The following GULP1 variants were observed in gnomAD, a reference collection of about 807,000 sequenced individuals.
GULP1 encodes GULP PTB domain containing engulfment adaptor 1, also known as PTB domain-containing engulfment adapter protein 1.
GULP1 carries 19 observed loss-of-function variants against 40.9 expected under a neutral mutation model. The observed-to-expected ratio is 0.46, with a 90% CI of 0.32 to 0.68. The LOEUF (loss-of-function observed/expected upper bound fraction) is 0.68. GULP1 is among the 30% of genes least tolerant of loss of function. The pLI is 0.03. For synonymous variants in GULP1, 119 were observed against 117.6 expected (o/e 1.01, Z -0.08); for missense variants, 312 against 362.2 (o/e 0.86, Z 1.12).
Position 188,366,869 on chromosome 2 carries a change from A to G in GULP1, c.-171-16894A>G, listed in dbSNP as rs534385954. ...CGGCCTCCCGAAGTGCTGGGATTACAGGCGTGAGCCACCTTGCCTGGCCCC... is the reference window on the plus strand; with the variant it reads ...CGGCCTCCCGAAGTGCTGGGATTACGGGCGTGAGCCACCTTGCCTGGCCCC... On this transcript the variant is annotated intron_variant, in intron 1 of 11. Coordinates refer to ENST00000409830, the MANE Select transcript of GULP1 (RefSeq NM_016315.4). Among the ~76,000 whole-genome samples, 19 of 152,302 alleles carry G rather than the reference A, an allele frequency of 1.2e-4. No homozygotes were observed. In the South Asian group the frequency reaches 3.7e-3, roughly 30 times the overall value.
chr2:188,562,725 C>G (rs1696625680), intron 7 of GULP1, among the ~76,000 whole-genome samples: 1 of 152,134 alleles, frequency 6.6e-6, no homozygotes, highest in African/African-American at 2.4e-5. Flanking sequence ...TCCCAAGCAA[C>G]AGAGTATACT....
intron 3 of GULP1, among the ~76,000 whole-genome samples, chr2:188,481,435 T>G (rs1241223328): frequency 1.3e-5 from 2 of 152,008 alleles, no homozygotes; most frequent in Non-Finnish European, 2.9e-5. Flanking sequence ...CCTGAGGATA[T>G]GTAATAAACA....
chr2:188,458,630 G>A lies in GULP1; in HGVS notation c.-44-19029G>A, dbSNP rs1434752338. Among the ~76,000 whole-genome samples, 3 of 152,030 alleles carry A rather than the reference G, an allele frequency of 2.0e-5. No homozygotes were observed. In the East Asian group the frequency reaches 5.8e-4, roughly 29 times the overall value. On this transcript the variant is annotated intron_variant, in intron 2 of 11. Coordinates refer to ENST00000409830, the MANE Select transcript of GULP1 (RefSeq NM_016315.4). ...ATGCAATGCATAATAATTACATTAT[G>A]GAAAATAGGCTATCCATCCCTTCAA...
At chr2:188,582,216 G>T in intron 9 of GULP1, 1 of 358,832 alleles carries the variant, frequency 2.8e-6, no homozygotes, top group Non-Finnish European at 5.6e-6. Flanking sequence ...TTTTAGAAAA[G>T]TTACTGTGAA....
At chr2:188,312,994 A>G (rs903990074) in intron 1 of GULP1, among the ~76,000 whole-genome samples, 2 of 152,060 alleles carry the variant, frequency 1.3e-5, no homozygotes, top group Non-Finnish European at 2.9e-5. Context: ...AATTTGTTTA[A>G]GTTCCTTGTA....
At chr2:188,568,907 A>G (rs1445080560) in intron 7 of GULP1, among the ~76,000 whole-genome samples, 1 of 152,148 alleles carries the variant, frequency 6.6e-6, no homozygotes, top group Non-Finnish European at 1.5e-5. Context: ...TGAGAAAGGG[A>G]GAAAAACAAG....
At chr2:188,560,703 G>A (rs1036581158) in intron 7 of GULP1, among the ~76,000 whole-genome samples, 1 of 152,144 alleles carries the variant, frequency 6.6e-6, no homozygotes, top group Non-Finnish European at 1.5e-5. Flanking sequence ...GAAGCATGAT[G>A]CTGGCCTCTA....
intron 2 of GULP1, among the ~76,000 whole-genome samples, chr2:188,397,507 A>G (rs2051458377): frequency 6.6e-6 from 1 of 152,182 alleles, no homozygotes; most frequent in South Asian, 2.1e-4. Flanking sequence ...ACTCACTGCA[A>G]TTTTTTTCAT....
At chr2:188,531,860 T>C (rs980393853) in intron 6 of GULP1, among the ~76,000 whole-genome samples, 1 of 152,192 alleles carries the variant, frequency 6.6e-6, no homozygotes, top group Non-Finnish European at 1.5e-5. Context: ...AATAATCCTA[T>C]TCCTACATCT....
chr2:188,342,431 G>A (rs1233862228), intron 1 of GULP1, among the ~76,000 whole-genome samples: 1 of 152,024 alleles, frequency 6.6e-6, no homozygotes, highest in African/African-American at 2.4e-5. Flanking sequence ...ACTGGATTTA[G>A]GGCCTACCCT....
chr2:188,444,681 A>G (rs778758302), intron 2 of GULP1, among the ~76,000 whole-genome samples: 1 of 152,200 alleles, frequency 6.6e-6, no homozygotes, highest in Non-Finnish European at 1.5e-5. Context: ...GGTCCTCAGC[A>G]TATAACTGGG....
chr2:188,540,281 A>G (rs942111955), intron 6 of GULP1, among the ~76,000 whole-genome samples: 2 of 152,092 alleles, frequency 1.3e-5, no homozygotes, highest in African/African-American at 4.8e-5. Flanking sequence ...TGAAGAATGA[A>G]TAATTAACAC....
At chr2:188,444,701 T>A (rs1050590501) in intron 2 of GULP1, among the ~76,000 whole-genome samples, 2 of 152,206 alleles carry the variant, frequency 1.3e-5, no homozygotes, top group African/African-American at 4.8e-5. Flanking sequence ...GCTGGTGTGA[T>A]GGAAAATGCC....
At chr2:188,440,701 C>T (rs565400745) in intron 2 of GULP1, among the ~76,000 whole-genome samples, 1 of 152,210 alleles carries the variant, frequency 6.6e-6, no homozygotes, top group African/African-American at 2.4e-5. Context: ...AGCAGTCATA[C>T]TATTTTTGCA....
rs185607111 is a variant in GULP1, at chr2:188,533,000, G to T, written c.261+3805G>T. 7.6e-3 allele frequency among the ~76,000 whole-genome samples: 1,150 copies of T among 152,110 alleles called. 9 individuals carry two copies. Among genetic ancestry groups the T allele is most frequent in the Middle Eastern group, 0.014 (4 of 294 alleles). ...ACAAGTTAGGCTATCATATCTGTTT[G>T]GTTTTTCTTCCTTGGCTTCCTGACC... On this transcript the variant is annotated intron_variant, in intron 6 of 11. Coordinates refer to ENST00000409830, the MANE Select transcript of GULP1 (RefSeq NM_016315.4).
Position 188,337,350 on chromosome 2 carries a change from G to T in GULP1, c.-172+45184G>T, listed in dbSNP as rs1204410682. 2.6e-5 allele frequency among the ~76,000 whole-genome samples: 4 copies of T among 151,142 alleles called. No homozygotes were observed. The Admixed American group carries it at 2.6e-4, about 10-fold the overall frequency. On this transcript the variant is annotated intron_variant, in intron 1 of 11. Transcript: ENST00000409830. The stretch of plus-strand genomic sequence containing the variant: ...GATGGGGGTTTCATCATGTTGACCA[G>T]GCTGGTCACGAAATCCTGACCTCAA...
intron 1 of GULP1, among the ~76,000 whole-genome samples, chr2:188,377,571 T>C (rs544363243): frequency 6.6e-6 from 1 of 152,272 alleles, no homozygotes; most frequent in African/African-American, 2.4e-5. Context: ...CCCCTACCAA[T>C]TGGTTAGCAA....
intron 2 of GULP1, among the ~76,000 whole-genome samples, chr2:188,402,961 C>A (rs914103841): frequency 2.6e-5 from 4 of 152,068 alleles, no homozygotes; most frequent in Non-Finnish European, 2.9e-5. Context: ...TACCTAAGGT[C>A]CAATGGCAAA....
At chr2:188,534,738 T>C (rs1688477900) in intron 6 of GULP1, among the ~76,000 whole-genome samples, 1 of 152,024 alleles carries the variant, frequency 6.6e-6, no homozygotes, top group African/African-American at 2.4e-5. Context: ...CTATTTTTAT[T>C]GCGGAAAATC....
Sources: allele counts gnomAD v4.1 joint callset (sites outside exome capture counted in the v4.1 genomes callset), GRCh38; gene constraint gnomAD v4.1.1; transcripts MANE v1.5; gene names NCBI Gene and HGNC (gene_info 2026-07-23, HGNC 2026-07-21).